Variants in ESRRG observed in about 807,000 individuals in gnomAD.
ESRRG encodes the protein estrogen-related receptor gamma.
In ESRRG, 13 loss-of-function variants were observed where a neutral mutation model predicts 44.0. That is an observed-to-expected ratio of 0.30 (90% CI 0.19 to 0.47). The LOEUF is 0.47. Ranked by LOEUF, ESRRG falls within the 20% of genes least tolerant of loss-of-function variation. The pLI is 1.00. For missense variants in ESRRG, 395 were observed against 580.6 expected (o/e 0.68, Z 3.29); for synonymous variants, 215 against 214.6 (o/e 1.00, Z -0.02).
intron 3 of ESRRG, among the ~76,000 whole-genome samples, chr1:216,588,478 A>G (rs932415424): frequency 6.6e-6 from 1 of 152,188 alleles, no homozygotes; most frequent in African/African-American, 2.4e-5. Flanking sequence ...TTTATGTTCT[A>G]GATATTTCAA....
intron 2 of ESRRG, among the ~76,000 whole-genome samples, chr1:216,908,030 G>C (rs1022408512): frequency 6.6e-6 from 1 of 152,156 alleles, no homozygotes; most frequent in Non-Finnish European, 1.5e-5. Context: ...TTATTAAAAG[G>C]CTCACCATTA....
chr1:216,891,197 C>A (rs2057745935), intron 2 of ESRRG, among the ~76,000 whole-genome samples: 1 of 152,160 alleles, frequency 6.6e-6, no homozygotes, highest in African/African-American at 2.4e-5. Context: ...AATTCACATG[C>A]AAATTTTATA....
At chr1:216,868,173 C>T (rs1184855124) in intron 2 of ESRRG, among the ~76,000 whole-genome samples, 1 of 148,616 alleles carries the variant, frequency 6.7e-6, no homozygotes, top group Admixed American at 6.8e-5. Context: ...CTGCAACCTC[C>T]GCCTCCCAGG....
intron 2 of ESRRG, among the ~76,000 whole-genome samples, chr1:216,937,420 T>G (rs2064323708): frequency 6.6e-6 from 1 of 152,142 alleles, no homozygotes; most frequent in South Asian, 2.1e-4. Context: ...AGTTTGCAGG[T>G]GGGTCATTAG....
intron 2 of ESRRG, among the ~76,000 whole-genome samples, chr1:216,842,543 C>T (rs1010163174): frequency 3.9e-5 from 6 of 152,178 alleles, no homozygotes; most frequent in Admixed American, 1.3e-4. Flanking sequence ...AACTCCACTT[C>T]TCTCTCCAAT....
At chr1:216,860,118 A>G (rs2096023081) in intron 2 of ESRRG, among the ~76,000 whole-genome samples, 1 of 152,084 alleles carries the variant, frequency 6.6e-6, no homozygotes, top group South Asian at 2.1e-4. Context: ...ATAAAAACTT[A>G]GCTGGCAATG....
intron 2 of ESRRG, among the ~76,000 whole-genome samples, chr1:216,739,095 C>T (rs1157143615): frequency 6.6e-6 from 1 of 152,090 alleles, no homozygotes; most frequent in East Asian, 1.9e-4. Flanking sequence ...CTCAGCATCC[C>T]TCTATCATCT....
intron 2 of ESRRG, among the ~76,000 whole-genome samples, chr1:216,747,700 A>G (rs1396447170): frequency 6.6e-6 from 1 of 152,212 alleles, no homozygotes; most frequent in Non-Finnish European, 1.5e-5. Context: ...ACTTTGAGCG[A>G]AACGTTCAAT....
Position 216,651,014 on chromosome 1 carries a change from C to T in ESRRG, c.548G>A (p.Cys183Tyr). 6.2e-7 allele frequency: 1 copy of T among 1,613,424 alleles called. No individual in the cohort carries two copies. The highest frequency in any genetic ancestry group is 8.5e-7 in the Non-Finnish European group (1 of 1,179,426). Residue 183 changes from cysteine to tyrosine, a missense_variant, in exon 3 of 7, where the codon TGC becomes TAC. Physicochemically the swap from Cys to Tyr is radical, Grantham distance 194. This residue lies in a region of ESRRG where 35 missense variants were observed against 120.1 expected (regional missense o/e 0.29). Transcript: ENST00000408911. ...CACTTTTAAACACTTCATGAAGCGGCAAGCCTGGCAGGATTTACGTCTGCG... is the reference window on the plus strand; with the variant it reads ...CACTTTTAAACACTTCATGAAGCGGTAAGCCTGGCAGGATTTACGTCTGCG... ...TKRRRKSCQA[C>Y]RFMKCLKVGM...
At chr1:217,093,860 T>A, upstream of ESRRG, among the ~76,000 whole-genome samples, 1 of 151,028 alleles carries the variant, frequency 6.6e-6, no homozygotes, top group South Asian at 2.1e-4. Context: ...ATAAAATTAT[T>A]TATTATTATA....
chr1:216,994,490 G>A (rs759164854), intron 1 of ESRRG, among the ~76,000 whole-genome samples: 4 of 151,826 alleles, frequency 2.6e-5, no homozygotes, highest in Admixed American at 6.6e-5. Flanking sequence ...CACACATCCT[G>A]GTACAACTAC....
chr1:216,896,854 A>T (rs755735439), intron 2 of ESRRG, among the ~76,000 whole-genome samples: 9 of 152,208 alleles, frequency 5.9e-5, no homozygotes, highest in African/African-American at 1.2e-4. Flanking sequence ...ATTTAAAGAC[A>T]TCTCTTGGGT....
At chr1:216,738,892 C>G (rs1315591270) in intron 2 of ESRRG, among the ~76,000 whole-genome samples, 1 of 152,098 alleles carries the variant, frequency 6.6e-6, no homozygotes, top group Non-Finnish European at 1.5e-5. Context: ...AGGCCTGTCA[C>G]CCAAACTGGA....
intron 3 of ESRRG, among the ~76,000 whole-genome samples, chr1:216,627,532 A>G (rs911855259): frequency 6.6e-6 from 1 of 152,230 alleles, no homozygotes; most frequent in Non-Finnish European, 1.5e-5. Flanking sequence ...GCGCAGGGTC[A>G]AGATATAAAC....
intron 1 of ESRRG, among the ~76,000 whole-genome samples, chr1:216,943,307 C>A (rs1019730674): frequency 1.3e-5 from 2 of 152,166 alleles, no homozygotes; most frequent in African/African-American, 4.8e-5. Flanking sequence ...GGCAAGAGGA[C>A]TTACACCATC....
chr1:216,676,600 T>C (rs934000255), intron 2 of ESRRG, among the ~76,000 whole-genome samples: 1 of 152,194 alleles, frequency 6.6e-6, no homozygotes, highest in Non-Finnish European at 1.5e-5. Flanking sequence ...CCAGATCTAA[T>C]GAATCAGAAA....
At chr1:216,955,190 C>A (rs1278697396) in intron 1 of ESRRG, among the ~76,000 whole-genome samples, 1 of 152,042 alleles carries the variant, frequency 6.6e-6, no homozygotes, top group Non-Finnish European at 1.5e-5. Context: ...CTCTCCCATC[C>A]TTCCCTCACA....
intron 2 of ESRRG, among the ~76,000 whole-genome samples, chr1:216,738,280 T>C (rs2090232626): frequency 6.6e-6 from 1 of 152,176 alleles, no homozygotes; most frequent in East Asian, 1.9e-4. Flanking sequence ...ATCTGTGGAC[T>C]CCAGCTTTTG....
At chr1:216,752,571 T>C (rs369423352) in intron 2 of ESRRG, among the ~76,000 whole-genome samples, 2 of 152,288 alleles carry the variant, frequency 1.3e-5, no homozygotes, top group South Asian at 2.1e-4. Flanking sequence ...CTAGAGGTCC[T>C]ATTCTCTTCA....
Sources: allele counts gnomAD v4.1 joint callset (sites outside exome capture counted in the v4.1 genomes callset), GRCh38; gene constraint gnomAD v4.1.1; regional missense constraint gnomAD v4.1.1; transcripts MANE v1.5; gene names NCBI Gene and HGNC (gene_info 2026-07-23, HGNC 2026-07-21).